The following STRBP variants were observed in gnomAD, a reference collection of about 807,000 sequenced individuals.
STRBP encodes spermatid perinuclear RNA binding protein.
STRBP carries 13 observed loss-of-function variants against 80.1 expected under a neutral mutation model. The ratio of observed to expected loss-of-function variants is 0.16; its 90% CI spans 0.11 to 0.26. STRBP has a LOEUF of 0.26. Among genes scored for constraint, STRBP ranks in the 10% least tolerant of loss-of-function variants. STRBP has a pLI of 1.00. For synonymous variants in STRBP, 284 were observed against 291.2 expected, an observed-to-expected ratio of 0.98 and a Z score of 0.25; for missense variants, 485 against 815.2, an observed-to-expected ratio of 0.59 and a Z score of 4.93.
intron 13 of STRBP, among the ~76,000 whole-genome samples, chr9:123,144,747 C>CA (rs1406381462): frequency 6.6e-6 from 1 of 151,824 alleles, no homozygotes; most frequent in Non-Finnish European, 1.5e-5. Context: ...AGACATAACA[C>CA]AAAAAAATCT....
intron 2 of STRBP, among the ~76,000 whole-genome samples, chr9:123,192,484 T>C (rs1189059491): frequency 2.0e-5 from 3 of 152,154 alleles, no homozygotes; most frequent in African/African-American, 4.8e-5. Context: ...CACAGGCCTA[T>C]AGTCCGTCGG....
In STRBP at chr9:123,125,673, C is replaced by T. The variant is rs1255660480; in HGVS notation, c.1943G>A (p.Gly648Asp). ...TAACAGAACCATTCTCTTGGGTAAA[C>T]CTACAGAGAAAAGAAACGGAGAGGA... ...YGYSTAAPAYGLPKRMVLLPV... is the reference protein window; with the variant it reads ...YGYSTAAPAYDLPKRMVLLPV... Residue 648 changes from glycine (G) to aspartate (D), a missense_variant and splice_region_variant, in exon 19 of 19, where the codon GGT becomes GAT. By Grantham distance (94) the Gly-to-Asp change is moderately conservative. Coordinates refer to ENST00000348403, the MANE Select transcript of STRBP (RefSeq NM_018387.5). 1 of 1,609,546 alleles carries T rather than the reference C, an allele frequency of 6.2e-7. No individual in the cohort carries two copies. The highest frequency in any genetic ancestry group is 8.5e-7 in the Non-Finnish European group (1 of 1,177,998).
At chr9:123,188,888 CAAGCT>C (rs2038807525) in intron 2 of STRBP, among the ~76,000 whole-genome samples, 1 of 152,076 alleles carries the variant, frequency 6.6e-6, no homozygotes, top group Non-Finnish European at 1.5e-5. Flanking sequence ...CCACCTAAAA[CAAGCT>C]ATGTAAAAAT....
intron 6 of STRBP, among the ~76,000 whole-genome samples, chr9:123,167,649 CAA>C (rs879891075): frequency 9.4e-5 from 13 of 138,800 alleles, no homozygotes; most frequent in Non-Finnish European, 9.5e-5. Context: ...TTCTGCCATT[CAA>C]AAAAAAAAAA....
Position 123,124,055 on chromosome 9 carries a change from AAT to A in STRBP, c.*1540_*1541del, listed in dbSNP as rs2035810648. ...AGAAGAAACAAACTAATCATTGTGT[AAT>A]ATATATCTGAGAAGTGACACTAACA... On this transcript the variant is annotated 3_prime_UTR_variant, in exon 19 of 19. Coordinates refer to ENST00000348403, the MANE Select transcript of STRBP (RefSeq NM_018387.5). 1.0e-6 allele frequency: 1 copy of A among 985,308 alleles called. No homozygotes were observed. The highest frequency in any genetic ancestry group is 1.7e-5 in the African/African-American group (1 of 57,240). The allele number at this position is 985,308 out of a possible 1,614,324, so 61.0% of individuals were successfully genotyped here. A position where few individuals can be genotyped will look rare whatever the true frequency, so the allele number is the denominator to read the frequency against.
intron 2 of STRBP, among the ~76,000 whole-genome samples, chr9:123,208,383 T>A (rs1034157901): frequency 6.6e-6 from 1 of 152,206 alleles, no homozygotes; most frequent in East Asian, 1.9e-4. Context: ...AAGTTCTGCT[T>A]TCTCCGCAGA....
intron 17 of STRBP, among the ~76,000 whole-genome samples, chr9:123,129,731 T>C (rs2036055007): frequency 6.6e-6 from 1 of 152,246 alleles, no homozygotes; most frequent in African/African-American, 2.4e-5. Flanking sequence ...CTTCTCTGAA[T>C]GCCAAGTTCT....
At position 123,124,020 on chromosome 9, in the gene STRBP, A is replaced by G. The variant is rs916805411; in HGVS notation, c.*1577T>C. The G allele has an allele frequency of 2.0e-6, 2 of 985,348 alleles. No homozygotes were observed. Among genetic ancestry groups the G allele is most frequent in the African/African-American group, 3.5e-5 (2 of 57,240 alleles). The allele number at this position is 985,348 out of a possible 1,614,324, so 61.0% of individuals were successfully genotyped here. On this transcript the variant is annotated 3_prime_UTR_variant, in exon 19 of 19. Transcript: ENST00000348403. ...TATCACCCACCACTAATAAAGACAA[A>G]AGACCAAGGAGAAGAAACAAACTAA...
intron 11 of STRBP, among the ~76,000 whole-genome samples, chr9:123,157,052 AT>A (rs2037318100): frequency 6.6e-6 from 1 of 152,300 alleles, no homozygotes; most frequent in Admixed American, 6.5e-5. Flanking sequence ...AGAGGGTAAT[AT>A]CCCTAGTGAG....
intron 2 of STRBP, among the ~76,000 whole-genome samples, chr9:123,227,369 C>G (rs549912419): frequency 2.0e-5 from 3 of 151,908 alleles, no homozygotes; most frequent in Non-Finnish European, 1.5e-5. Context: ...CTAACACACA[C>G]CTGTTTGAAG....
At chr9:123,179,760 G>A (rs1426586895) in intron 3 of STRBP, among the ~76,000 whole-genome samples, 3 of 151,938 alleles carry the variant, frequency 2.0e-5, no homozygotes, top group Non-Finnish European at 4.4e-5. Context: ...ATAAATAAAT[G>A]AATAAAGTTA....
intron 2 of STRBP, among the ~76,000 whole-genome samples, chr9:123,229,400 G>C (rs1480265797): frequency 6.6e-6 from 1 of 152,166 alleles, no homozygotes; most frequent in Non-Finnish European, 1.5e-5. Context: ...AAAAACAGTT[G>C]AATAGAGACT....
At position 123,136,484 on chromosome 9, in the gene STRBP, C is replaced by A; in HGVS notation, c.1529G>T (p.Ser510Ile). 5 of 1,614,096 alleles carry A rather than the reference C, an allele frequency of 3.1e-6. No homozygotes were observed. Among genetic ancestry groups the A allele is most frequent in the Non-Finnish European group, 4.2e-6 (5 of 1,180,008 alleles). The change falls in exon 15 of 19, where the codon AGT becomes ATT. Residue 510 changes from serine (S) to isoleucine (I), a missense_variant. Ser to Ile is a moderately radical substitution (Grantham distance 142, BLOSUM62 -2). This residue lies in a region of STRBP where 377 missense variants were observed against 616.1 expected (regional missense o/e 0.61). Coordinates refer to ENST00000348403, the MANE Select transcript of STRBP (RefSeq NM_018387.5). This position sits in a 1 kb window ranked among gnomAD's most constrained non-coding sequence, Gnocchi z 4.2. ...GAGCTCCATTACAGGGTTTTTGCCA[C>A]TTGCTGTGAGGATAGGGCCCTGAGT... ...VRTQGPILTASGKNPVMELNE... is the reference protein window; with the variant it reads ...VRTQGPILTAIGKNPVMELNE...
At chr9:123,134,632 CTT>C (rs2036281114) in intron 16 of STRBP, among the ~76,000 whole-genome samples, 1 of 152,108 alleles carries the variant, frequency 6.6e-6, no homozygotes, top group African/African-American at 2.4e-5. Flanking sequence ...TTTAACATGA[CTT>C]AGTCAAAAGT....
chr9:123,127,855 G>A (rs1158930047), intron 18 of STRBP, among the ~76,000 whole-genome samples: 1 of 152,228 alleles, frequency 6.6e-6, no homozygotes, highest in Admixed American at 6.5e-5. Context: ...AGAAACTTAA[G>A]TGTGGCTTTA....
intron 16 of STRBP, 119 bp from the exon 17 acceptor site, chr9:123,133,087 T>C (rs1476635453): frequency 3.2e-6 from 4 of 1,263,378 alleles, no homozygotes; most frequent in Non-Finnish European, 4.3e-6. Context: ...GACCATGAGC[T>C]GTCTGTGATC....
chr9:123,197,516 C>T (rs1047335408), intron 2 of STRBP, among the ~76,000 whole-genome samples: 1 of 152,092 alleles, frequency 6.6e-6, no homozygotes, highest in African/African-American at 2.4e-5. Flanking sequence ...CGTGCCTCTT[C>T]TGAGTCTCTA....
intron 2 of STRBP, among the ~76,000 whole-genome samples, chr9:123,185,694 G>A (rs750120958): frequency 1.3e-5 from 2 of 151,992 alleles, no homozygotes; most frequent in Admixed American, 6.6e-5. Flanking sequence ...TCCATTCTAA[G>A]GGATTCGGCT....
intron 6 of STRBP, among the ~76,000 whole-genome samples, chr9:123,168,851 A>C (rs533040425): frequency 4.6e-5 from 7 of 152,296 alleles, no homozygotes; most frequent in African/African-American, 1.4e-4. Flanking sequence ...AGCCCACCAC[A>C]ATTCCATCAT....
Sources: gnomAD v4.1 joint callset for allele counts (sites outside exome capture counted in the v4.1 genomes callset) on GRCh38, gnomAD v4.1.1 for gene constraint, gnomAD v4.1.1 regional missense constraint, Gnocchi (gnomAD v3.1) non-coding constraint, MANE v1.5 for transcripts, NCBI Gene and HGNC (gene_info 2026-07-23, HGNC 2026-07-21) for gene names.